The following HACD2 variants were observed in gnomAD, a reference collection of about 807,000 sequenced individuals.
The protein encoded by HACD2 is very-long-chain (3R)-3-hydroxyacyl-CoA dehydratase 2.
In HACD2, 15 loss-of-function variants were observed where a neutral mutation model predicts 31.0. The observed-to-expected ratio is 0.48, with a 90% CI of 0.32 to 0.75. HACD2 has a LOEUF of 0.75. Ranked by LOEUF, HACD2 falls within the 30% of genes least tolerant of loss-of-function variation. The pLI, the probability that HACD2 is intolerant of heterozygous loss-of-function variation, is 0.03. For synonymous variants in HACD2, 115 were observed against 122.2 expected (o/e 0.94, Z 0.39); for missense variants, 283 against 313.0 (o/e 0.90, Z 0.72).
intron 3 of HACD2, among the ~76,000 whole-genome samples, chr3:123,547,215 G>A (rs377205929): frequency 7.9e-5 from 12 of 152,118 alleles, no homozygotes; most frequent in African/African-American, 2.7e-4. Flanking sequence ...TTGTGATTAC[G>A]CCTTCCTCCA....
rs561995251 is a variant in HACD2, at chr3:123,550,535, G to A, written c.292+17227C>T. Among the ~76,000 whole-genome samples the A allele has an allele frequency of 5.9e-5, 9 of 152,300 alleles. No homozygotes were observed. The South Asian group carries it at 1.9e-3, about 32-fold the overall frequency. ...GCAGAGAAATGATGTTCCCTGAAAGGAAAAGAGGTAGACAGAGAAGCAGAG... is the reference window on the plus strand; with the variant it reads ...GCAGAGAAATGATGTTCCCTGAAAGAAAAAGAGGTAGACAGAGAAGCAGAG... On this transcript the variant is annotated intron_variant, in intron 3 of 6. Coordinates refer to ENST00000383657, the MANE Select transcript of HACD2 (RefSeq NM_198402.5).
At chr3:123,572,162 C>A (rs1480593844) in intron 2 of HACD2, among the ~76,000 whole-genome samples, 1 of 152,092 alleles carries the variant, frequency 6.6e-6, no homozygotes, top group East Asian at 1.9e-4. Flanking sequence ...AATAAGCACA[C>A]CTCATCAAAA....
chr3:123,531,376 G>A (rs2107710033), intron 3 of HACD2, among the ~76,000 whole-genome samples: 1 of 151,998 alleles, frequency 6.6e-6, no homozygotes, highest in South Asian at 2.1e-4. Flanking sequence ...CTGGAATGCA[G>A]TGGCACAATC....
Position 123,492,859 on chromosome 3 carries a change from A to C in HACD2, c.*2029T>G, listed in dbSNP as rs1355630159. 1 of 152,220 alleles carries C rather than the reference A, an allele frequency of 6.6e-6. No homozygotes were observed. The highest frequency in any genetic ancestry group is 1.5e-5 in the Non-Finnish European group (1 of 68,038). 9.4% of individuals were successfully genotyped at this position (152,220 alleles called of 1,614,324 possible). On this transcript the variant is annotated 3_prime_UTR_variant, in exon 7 of 7. Coordinates refer to ENST00000383657, the MANE Select transcript of HACD2 (RefSeq NM_198402.5). ...TATAGTAGAAATACATTATGGAAGA[A>C]TAAAATGAGAGAAAAGTCATGCAAA... is the stretch of plus-strand genomic sequence containing the variant.
intron 3 of HACD2, among the ~76,000 whole-genome samples, chr3:123,566,111 T>C (rs528978695): frequency 2.0e-5 from 3 of 151,584 alleles, no homozygotes; most frequent in Admixed American, 1.3e-4. Flanking sequence ...TTGGGAATCA[T>C]AGACTCCTCA....
chr3:123,530,521 G>T (rs147416863), intron 3 of HACD2, among the ~76,000 whole-genome samples: 1 of 150,954 alleles, frequency 6.6e-6, no homozygotes, highest in African/African-American at 2.4e-5. Context: ...GGGTTCTCCT[G>T]CCTCCGCCTC....
chr3:123,522,913 G>A lies in HACD2; in HGVS notation c.381+5473C>T, dbSNP rs1008709282. 5.3e-5 allele frequency among the ~76,000 whole-genome samples: 8 copies of A among 152,238 alleles called. No individual in the cohort carries two copies. In the East Asian group the frequency reaches 1.2e-3, roughly 22 times the overall value. ...GGCACAGCTTTGGTCCAAGCACAGG[G>A]CCCAAGGAAGAAATGATGTGCCCCT... On this transcript the variant is annotated intron_variant, in intron 4 of 6. Transcript: ENST00000383657.
At chr3:123,576,569 G>A (rs955183406) in intron 2 of HACD2, among the ~76,000 whole-genome samples, 13 of 152,192 alleles carry the variant, frequency 8.5e-5, no homozygotes, top group Non-Finnish European at 5.9e-5. Flanking sequence ...TTTTAGAGAT[G>A]TGTTTCCTCA....
chr3:123,511,114 C>T (rs2056057749), intron 4 of HACD2, among the ~76,000 whole-genome samples: 1 of 152,056 alleles, frequency 6.6e-6, no homozygotes, highest in Non-Finnish European at 1.5e-5. Context: ...ATCCTTTGCC[C>T]ATTAAAATTT....
chr3:123,505,867 A>C (rs1321562480), intron 4 of HACD2, among the ~76,000 whole-genome samples: 1 of 152,252 alleles, frequency 6.6e-6, no homozygotes, highest in Non-Finnish European at 1.5e-5. Flanking sequence ...GGTTCAACCT[A>C]AGAAAAACTG....
chr3:123,499,123 A>G (rs1559896347), intron 6 of HACD2, among the ~76,000 whole-genome samples: 4 of 152,204 alleles, frequency 2.6e-5, no homozygotes, highest in Non-Finnish European at 2.9e-5. Flanking sequence ...CCAATATGGT[A>G]CATATCTCCT....
At chr3:123,561,513 T>C (rs1057143306) in intron 3 of HACD2, among the ~76,000 whole-genome samples, 4 of 151,648 alleles carry the variant, frequency 2.6e-5, no homozygotes, top group African/African-American at 4.8e-5. Context: ...GAGTTGGTAG[T>C]ACAATTTCTG....
chr3:123,531,697 A>G (rs2056363679), intron 3 of HACD2, among the ~76,000 whole-genome samples: 1 of 152,134 alleles, frequency 6.6e-6, no homozygotes, highest in Non-Finnish European at 1.5e-5. Flanking sequence ...TTTTCCTCTA[A>G]GCATATTTTA....
chr3:123,522,430 C>T (rs1288324956), intron 4 of HACD2, among the ~76,000 whole-genome samples: 2 of 150,916 alleles, frequency 1.3e-5, no homozygotes, highest in East Asian at 3.9e-4. Context: ...AATCTTCATA[C>T]ACAGTACAAG....
At chr3:123,530,877 G>A (rs937726984) in intron 3 of HACD2, among the ~76,000 whole-genome samples, 1 of 151,920 alleles carries the variant, frequency 6.6e-6, no homozygotes, top group Non-Finnish European at 1.5e-5. Context: ...TGTTGTTGTT[G>A]TTGTTTTTAG....
intron 5 of HACD2, 117 bp downstream of exon 5, chr3:123,502,443 C>T (rs566427313): frequency 1.9e-6 from 2 of 1,064,898 alleles, no homozygotes; most frequent in Admixed American, 5.3e-5. Flanking sequence ...GACAAAATTT[C>T]TACCCAACCC....
intron 3 of HACD2, among the ~76,000 whole-genome samples, chr3:123,532,782 C>T (rs950978559): frequency 1.4e-5 from 2 of 143,290 alleles, no homozygotes; most frequent in African/African-American, 5.3e-5. Context: ...TGCAGTGAGC[C>T]GAAAACGTGC....
chr3:123,530,525 C>A (rs2056345844), intron 3 of HACD2, among the ~76,000 whole-genome samples: 1 of 151,680 alleles, frequency 6.6e-6, no homozygotes, highest in East Asian at 1.9e-4. Context: ...TCTCCTGCCT[C>A]CGCCTCCCGA....
chr3:123,520,094 G>C (rs2056194262), intron 4 of HACD2, among the ~76,000 whole-genome samples: 1 of 152,140 alleles, frequency 6.6e-6, no homozygotes, highest in Non-Finnish European at 1.5e-5. Context: ...TGAGAGGTGA[G>C]GCCTGTATGG....
Sources: allele counts gnomAD v4.1 joint callset (sites outside exome capture counted in the v4.1 genomes callset), GRCh38; gene constraint gnomAD v4.1.1; transcripts MANE v1.5; gene names NCBI Gene and HGNC (gene_info 2026-07-23, HGNC 2026-07-21).